Variants in CNDP1 observed in about 807,000 individuals in gnomAD.
CNDP1 encodes the protein beta-Ala-His dipeptidase.
Under a neutral mutation model 58.1 loss-of-function variants are expected in CNDP1, and 44 were observed. The observed-to-expected ratio is 0.76, with a 90% CI of 0.60 to 0.97. The LOEUF is 0.97. Among genes scored for constraint, CNDP1 ranks in the 50% least tolerant of loss-of-function variants. CNDP1 has a pLI of 0.00. For missense variants in CNDP1, 616 were observed against 655.1 expected, an observed-to-expected ratio of 0.94 and a Z score of 0.65; for synonymous variants, 254 against 252.6, an observed-to-expected ratio of 1.01 and a Z score of -0.05.
intron 7 of CNDP1, among the ~76,000 whole-genome samples, chr18:74,572,324 T>C (rs1176391959): frequency 3.9e-5 from 6 of 152,022 alleles, no homozygotes; most frequent in Non-Finnish European, 8.8e-5. Context: ...AAGTTTAAAC[T>C]CCAGGGGCCT....
chr18:74,535,884 T>G (rs1980474850), intron 1 of CNDP1, among the ~76,000 whole-genome samples: 2 of 152,028 alleles, frequency 1.3e-5, no homozygotes, highest in East Asian at 1.9e-4. Context: ...ATTTTAAAAG[T>G]AGCCAGGCAG....
At chr18:74,581,188 G>A (rs545603694) in intron 10 of CNDP1, among the ~76,000 whole-genome samples, 1 of 150,990 alleles carries the variant, frequency 6.6e-6, no homozygotes, top group Admixed American at 6.6e-5. Flanking sequence ...TTATATACAG[G>A]CAGGGCATCC....
rs1980736043 is a variant in CNDP1 at position 74,545,517 on chromosome 18, T to A, written c.25-10821T>A. ...TTGGTGCTGTCTGCATTTTGGTGTC[T>A]CCACCTTGGCCCACGGTCCCACCAA... On this transcript the variant is annotated intron_variant, in intron 1 of 11. Coordinates refer to ENST00000358821, the MANE Select transcript of CNDP1 (RefSeq NM_032649.6). This position sits in a 1 kb window ranked among gnomAD's most constrained non-coding sequence, Gnocchi z 4.1. Among the ~76,000 whole-genome samples, 1 of 152,162 alleles carries A rather than the reference T, an allele frequency of 6.6e-6. No homozygotes were observed. Among genetic ancestry groups the A allele is most frequent in the South Asian group, 2.1e-4 (1 of 4,826 alleles).
At chr18:74,579,021 C>T (rs1981705646) in intron 9 of CNDP1, among the ~76,000 whole-genome samples, 1 of 152,124 alleles carries the variant, frequency 6.6e-6, no homozygotes, top group African/African-American at 2.4e-5. Flanking sequence ...TCTCTCCATC[C>T]CATTATCCCC....
At chr18:74,562,931 C>G (rs550020986) in intron 5 of CNDP1, among the ~76,000 whole-genome samples, 61 of 152,274 alleles carry the variant, frequency 4.0e-4, no homozygotes, top group African/African-American at 1.4e-3. Context: ...GGAATCTGTT[C>G]TGTGAAAATG....
intron 7 of CNDP1, among the ~76,000 whole-genome samples, chr18:74,575,900 C>T (rs1217722753): frequency 2.3e-5 from 3 of 127,986 alleles, no homozygotes; most frequent in Non-Finnish European, 3.1e-5. Flanking sequence ...GACGGAGTCT[C>T]GCTTTGTCGC....
chr18:74,535,623 G>T (rs934991413), intron 1 of CNDP1, among the ~76,000 whole-genome samples: 1 of 137,644 alleles, frequency 7.3e-6, no homozygotes, highest in African/African-American at 2.6e-5. Context: ...CAGGGCATTG[G>T]GGTGGGGGTT....
intron 7 of CNDP1, among the ~76,000 whole-genome samples, chr18:74,575,334 A>G (rs1224759862): frequency 6.6e-6 from 1 of 152,108 alleles, no homozygotes; most frequent in Non-Finnish European, 1.5e-5. Context: ...GAAGGCACGC[A>G]CTCTGCAACT....
intron 2 of CNDP1, among the ~76,000 whole-genome samples, chr18:74,557,887 G>A (rs1470726875): frequency 2.0e-5 from 3 of 152,148 alleles, no homozygotes; most frequent in Non-Finnish European, 4.4e-5. Context: ...TATTAACTAG[G>A]CATCAATGCC....
intron 2 of CNDP1, among the ~76,000 whole-genome samples, chr18:74,557,245 AG>A (rs1430249284): frequency 6.6e-6 from 1 of 151,862 alleles, no homozygotes; most frequent in African/African-American, 2.4e-5. Context: ...TTTTTGAGAC[AG>A]GGTCTTGCTC....
Position 74,545,790 on chromosome 18 carries a change from A to G in CNDP1, c.25-10548A>G, listed in dbSNP as rs575999736. On this transcript the variant is annotated intron_variant, in intron 1 of 11. Coordinates refer to ENST00000358821, the MANE Select transcript of CNDP1 (RefSeq NM_032649.6). This position sits in a 1 kb window ranked among gnomAD's most constrained non-coding sequence, Gnocchi z 4.1. ...TTTACACAAAAATCACTCAAATGAG[A>G]TTTAAAGGAAGAAGAGCCAGTGGCT... Among the ~76,000 whole-genome samples the G allele has an allele frequency of 3.9e-4, 59 of 152,272 alleles. No homozygotes were observed. Among genetic ancestry groups the G allele is most frequent in the African/African-American group, 1.2e-3 (50 of 41,544 alleles).
intron 6 of CNDP1, among the ~76,000 whole-genome samples, chr18:74,570,214 A>AT (rs1981440169): frequency 1.4e-5 from 1 of 72,972 alleles, no homozygotes; most frequent in Non-Finnish European, 2.5e-5. Context: ...AATAATAATA[A>AT]TAATTAATAA....
chr18:74,580,445 A>G (rs527947791), intron 10 of CNDP1, among the ~76,000 whole-genome samples, 174 bp downstream of exon 10: 2 of 152,360 alleles, frequency 1.3e-5, no homozygotes, highest in South Asian at 4.1e-4. Flanking sequence ...CGCCATCTCA[A>G]GTCATCCTCC....
chr18:74,551,284 C>A (rs1325184471), intron 1 of CNDP1, among the ~76,000 whole-genome samples: 2 of 151,586 alleles, frequency 1.3e-5, no homozygotes, highest in Non-Finnish European at 2.9e-5. Context: ...AATAAATTAC[C>A]CCACCACAGG....
chr18:74,577,090 C>T (rs963826752), intron 8 of CNDP1, 61 bp downstream of exon 8: 2 of 1,450,344 alleles, frequency 1.4e-6, no homozygotes, highest in African/African-American at 2.8e-5. Context: ...TCATATTTGC[C>T]CTCTGTCTAA....
chr18:74,576,784 A>G, intron 7 of CNDP1, 85 bp from the exon 8 acceptor site: 1 of 1,303,654 alleles, frequency 7.7e-7, no homozygotes. Flanking sequence ...GCAACCCTGA[A>G]GAGTCCTCCC....
At position 74,573,255 on chromosome 18, in the gene CNDP1, TTATC is replaced by T. The variant is rs1451654784; in HGVS notation, c.841+1990_841+1993del. ...ATCCAACTATCTGTCTATCCATCCA[TTATC>T]TATCCATCTATCATCTTTCTATCCA... On this transcript the variant is annotated intron_variant, in intron 7 of 11. Transcript: ENST00000358821. Among the ~76,000 whole-genome samples the T allele has an allele frequency of 3.3e-5, 5 of 152,128 alleles. No homozygotes were observed. In the South Asian group the frequency reaches 8.3e-4, roughly 25 times the overall value.
In CNDP1 at chr18:74,565,351, A is replaced by C. The variant is rs983191219; in HGVS notation, c.556-1882A>C. Among the ~76,000 whole-genome samples the C allele has an allele frequency of 5.9e-5, 9 of 152,062 alleles. No homozygotes were observed. The East Asian group carries it at 1.5e-3, about 26-fold the overall frequency. ...GCCATAATTTCCCAATAGTCCCCCA[A>C]AGTCTTAACTCATTTCAGCATTAAC... On this transcript the variant is annotated intron_variant, in intron 5 of 11. Transcript: ENST00000358821.
At chr18:74,542,281 C>T (rs1320802547) in intron 1 of CNDP1, among the ~76,000 whole-genome samples, 1 of 152,206 alleles carries the variant, frequency 6.6e-6, no homozygotes, top group African/African-American at 2.4e-5. Context: ...CATTATTAGC[C>T]AATTCCTGGA....
Sources: allele counts gnomAD v4.1 joint callset (sites outside exome capture counted in the v4.1 genomes callset), GRCh38; gene constraint gnomAD v4.1.1; non-coding constraint Gnocchi (gnomAD v3.1); transcripts MANE v1.5; gene names NCBI Gene and HGNC (gene_info 2026-07-23, HGNC 2026-07-21).